Variants in RETREG3 observed in about 807,000 individuals in gnomAD.
The protein encoded by RETREG3 is reticulophagy regulator family member 3.
RETREG3 carries 23 observed loss-of-function variants against 50.2 expected under a neutral mutation model. The observed-to-expected ratio is 0.46, with a 90% CI of 0.33 to 0.65. The LOEUF (loss-of-function observed/expected upper bound fraction) is 0.65, where lower values mean the gene tolerates loss of function less well. Among genes scored for constraint, RETREG3 ranks in the 30% least tolerant of loss-of-function variants. The pLI, the probability that RETREG3 is intolerant of heterozygous loss-of-function variation, is 0.02. For missense variants in RETREG3, 546 were observed against 598.0 expected (o/e 0.91, Z 0.91); for synonymous variants, 240 against 234.4 (o/e 1.02, Z -0.22).
intron 1 of RETREG3, among the ~76,000 whole-genome samples, chr17:42,593,538 T>C (rs2093137320): frequency 6.6e-6 from 1 of 151,056 alleles, no homozygotes; most frequent in South Asian, 2.1e-4. Context: ...TAGTCCCAGC[T>C]GCTCGGGAGG....
Position 42,581,600 on chromosome 17 carries a change from T to G in RETREG3, c.*213A>C. 1 of 533,970 alleles carries G rather than the reference T, an allele frequency of 1.9e-6. No individual in the cohort carries two copies. Among genetic ancestry groups the G allele is most frequent in the Non-Finnish European group, 3.3e-6 (1 of 304,298 alleles). The allele number at this position is 533,970 out of a possible 1,614,324, so 33.1% of individuals were successfully genotyped here. ...AAGCCTCCCTTGGGGGAGCACACTC[T>G]CACTTCAGTGACTGAGCTCAGAAAT... is the stretch of plus-strand genomic sequence containing the variant. On this transcript the variant is annotated 3_prime_UTR_variant, in exon 9 of 9. Transcript: ENST00000309428.
intron 1 of RETREG3, among the ~76,000 whole-genome samples, chr17:42,597,613 ATATATATTTTT>A (rs1324683792): frequency 1.7e-4 from 9 of 53,680 alleles, no homozygotes; most frequent in Admixed American, 2.6e-4. Context: ...ATATATATAT[ATATATATTTTT>A]TTTTTTTTTT....
chr17:42,587,629 A>C (rs905380606), intron 3 of RETREG3: 3 of 579,334 alleles, frequency 5.2e-6, no homozygotes, highest in Non-Finnish European at 9.2e-6. Flanking sequence ...CTTTTTCAGA[A>C]ACTTCTCTTG....
chr17:42,600,554 A>G lies in RETREG3; in HGVS notation c.240-8392T>C, dbSNP rs530648209. Among the ~76,000 whole-genome samples, 4 of 152,268 alleles carry G rather than the reference A, an allele frequency of 2.6e-5. No homozygotes were observed. In the East Asian group the frequency reaches 7.7e-4, roughly 29 times the overall value. Reference sequence around the variant, plus strand: ...GATTAAATGATATGACACATCAATAATTTGTGTCAAACAATAAGGAAGACG... The same window carrying G: ...GATTAAATGATATGACACATCAATAGTTTGTGTCAAACAATAAGGAAGACG... On this transcript the variant is annotated intron_variant, in intron 1 of 8. Transcript: ENST00000309428.
intron 1 of RETREG3, chr17:42,608,781 G>C: frequency 2.8e-6 from 1 of 353,150 alleles, no homozygotes. Context: ...ACGCAGCTTT[G>C]TCGGGCTCAA....
In RETREG3 at chr17:42,605,463, C is replaced by G. The variant is rs1432533620; in HGVS notation, c.239+3623G>C. Among the ~76,000 whole-genome samples the G allele has an allele frequency of 2.0e-5, 3 of 152,180 alleles. No individual in the cohort carries two copies. In the East Asian group the frequency reaches 5.8e-4, roughly 29 times the overall value. ...GTTAACTGAACAGTCAGTCACTCTTCCACATTTCTAAGCGAAATGTCAACA... is the reference window on the plus strand; with the variant it reads ...GTTAACTGAACAGTCAGTCACTCTTGCACATTTCTAAGCGAAATGTCAACA... On this transcript the variant is annotated intron_variant, in intron 1 of 8. Transcript: ENST00000309428.
At chr17:42,597,786 C>A (rs1056507692) in intron 1 of RETREG3, among the ~76,000 whole-genome samples, 1 of 149,532 alleles carries the variant, frequency 6.7e-6, no homozygotes, top group Admixed American at 6.7e-5. Context: ...TGCGCCACTG[C>A]GCCCAGCTAA....
At position 42,581,913 on chromosome 17, in the gene RETREG3, G is replaced by C. The variant is rs776110979; in HGVS notation, c.1301C>G (p.Pro434Arg). 1 of 1,614,154 alleles carries C rather than the reference G, an allele frequency of 6.2e-7. No individual in the cohort carries two copies. Among genetic ancestry groups the C allele is most frequent in the Non-Finnish European group, 8.5e-7 (1 of 1,180,020 alleles). ...QRATRGFLRS[P>R]SSDLDTDAEG... is the part of the protein sequence containing the mutation. ...AGCATCAGTGTCCAGGTCTGAACTG[G>C]GGGACCGGAGGAAGCCTCTCGTTGC... Residue 434 changes from proline (P) to arginine (R), a missense_variant, in exon 9 of 9, where the codon CCC (proline) becomes CGC (arginine). Physicochemically the swap from Pro to Arg is moderately radical, Grantham distance 103. Transcript: ENST00000309428.
chr17:42,597,619 ATTTTTT>A (rs869223820), intron 1 of RETREG3, among the ~76,000 whole-genome samples: 4 of 14,364 alleles, frequency 2.8e-4, no homozygotes, highest in East Asian at 3.2e-3. Flanking sequence ...ATATATATAT[ATTTTTT>A]TTTTTTTTTT....
chr17:42,601,527 C>A (rs1336886623), intron 1 of RETREG3, among the ~76,000 whole-genome samples: 5 of 127,122 alleles, frequency 3.9e-5, no homozygotes, highest in Non-Finnish European at 8.3e-5. Flanking sequence ...GAGCCGAGAT[C>A]GCGCCACTGC....
chr17:42,594,088 G>T (rs2143397870), intron 1 of RETREG3, among the ~76,000 whole-genome samples: 1 of 152,352 alleles, frequency 6.6e-6, no homozygotes, highest in Middle Eastern at 3.4e-3. Flanking sequence ...TTACCTGGGG[G>T]ACTGCGTCAC....
chr17:42,587,766 C>A (rs1289634312), intron 3 of RETREG3, 68 bp downstream of exon 3: 1 of 1,578,740 alleles, frequency 6.3e-7, no homozygotes, highest in East Asian at 2.2e-5. Context: ...GGGTTAACAA[C>A]ATGTAACCAG....
At chr17:42,595,666 CTTTTTT>C (rs770492649) in intron 1 of RETREG3, among the ~76,000 whole-genome samples, 1 of 134,460 alleles carries the variant, frequency 7.4e-6, no homozygotes, top group Non-Finnish European at 1.6e-5. Context: ...TTCTTTCTTT[CTTTTTT>C]TTTTTTTTTT....
intron 1 of RETREG3, among the ~76,000 whole-genome samples, chr17:42,594,968 T>C (rs1456009645): frequency 1.4e-5 from 2 of 145,840 alleles, no homozygotes; most frequent in African/African-American, 2.5e-5. Context: ...TTTTACTTTT[T>C]TTTTTTTTTT....
At chr17:42,591,215 T>C (rs953185367) in intron 2 of RETREG3, among the ~76,000 whole-genome samples, 2 of 152,222 alleles carry the variant, frequency 1.3e-5, no homozygotes, top group African/African-American at 4.8e-5. Flanking sequence ...AAAAAATACA[T>C]GCTAAGTATA....
chr17:42,589,280 C>T (rs2093127748), intron 2 of RETREG3, among the ~76,000 whole-genome samples: 1 of 152,136 alleles, frequency 6.6e-6, no homozygotes, highest in Non-Finnish European at 1.5e-5. Context: ...CTTGCCAACA[C>T]TTCAAAATTA....
intron 4 of RETREG3, 93 bp from the exon 5 acceptor site, chr17:42,586,230 T>A: frequency 8.4e-7 from 1 of 1,193,076 alleles, no homozygotes; most frequent in Non-Finnish European, 1.2e-6. Context: ...ACAGAAAGAC[T>A]CTGTAAGTCA....
In RETREG3 at chr17:42,592,174, G is replaced by A. The variant is rs766021097; in HGVS notation, c.240-12C>T. ...TCAGGGCAAAAAACCTACAGAGGAA[G>A]AAAAACAGAAGAAAGATCATTTACC... On this transcript the variant is annotated splice_polypyrimidine_tract_variant and intron_variant, in intron 1 of 8. Coordinates refer to ENST00000309428, the MANE Select transcript of RETREG3 (RefSeq NM_178126.4). The A allele has an allele frequency of 3.7e-6, 6 of 1,605,982 alleles. No individual in the cohort carries two copies. In the Admixed American group the frequency reaches 1.0e-4, roughly 27 times the overall value.
At chr17:42,586,465 C>T (rs1169633765) in intron 4 of RETREG3, 1 of 415,510 alleles carries the variant, frequency 2.4e-6, no homozygotes, top group Non-Finnish European at 4.3e-6. Context: ...CCCAAAAAAA[C>T]ACAACAACCT....
Sources: gnomAD v4.1 joint callset for allele counts (sites outside exome capture counted in the v4.1 genomes callset) on GRCh38, gnomAD v4.1.1 for gene constraint, MANE v1.5 for transcripts, NCBI Gene and HGNC (gene_info 2026-07-23, HGNC 2026-07-21) for gene names.